Variants in CNTN2 observed in about 807,000 individuals in gnomAD.
CNTN2 encodes the protein contactin 2.
A neutral mutation model predicts 117.5 loss-of-function variants in CNTN2; 53 were observed. That is an observed-to-expected ratio of 0.45 (90% CI 0.36 to 0.57). CNTN2 has a LOEUF of 0.57. Among genes scored for constraint, CNTN2 ranks in the 20% least tolerant of loss-of-function variants. The pLI is 0.00. For missense variants in CNTN2, 1,106 were observed against 1,404.3 expected (o/e 0.79, Z 3.39); for synonymous variants, 530 against 561.7 (o/e 0.94, Z 0.80).
At position 205,059,689 on chromosome 1, in the gene CNTN2, G is replaced by A. The variant is rs939462913; in HGVS notation, c.797+7G>A. 9.9e-6 allele frequency: 16 copies of A among 1,608,306 alleles called. No homozygotes were observed. Among genetic ancestry groups the A allele is most frequent in the Middle Eastern group, 1.7e-4 (1 of 6,058 alleles). On this transcript the variant is annotated splice_region_variant and intron_variant, in intron 7 of 22. Transcript: ENST00000331830. This position sits in a 1 kb window ranked among gnomAD's most constrained non-coding sequence, Gnocchi z 5.6. ...AGTGCTTCGCCTTTGGGAAGTGAGTGTGAAGAGGGAGGGGAAGCAGAGCAC... is the reference window on the plus strand; with the variant it reads ...AGTGCTTCGCCTTTGGGAAGTGAGTATGAAGAGGGAGGGGAAGCAGAGCAC...
At position 205,057,914 on chromosome 1, in the gene CNTN2, C is replaced by A; in HGVS notation, c.71-7C>A. ...TCTGAGGCATCTGGTGGTGTCATCA[C>A]CTGCAGCTTGGAGTTCAGCCCTGGG... On this transcript the variant is annotated splice_region_variant and splice_polypyrimidine_tract_variant and intron_variant, in intron 2 of 22. Transcript: ENST00000331830. 3 of 1,612,954 alleles carry A rather than the reference C, an allele frequency of 1.9e-6. No homozygotes were observed. The highest frequency in any genetic ancestry group is 2.5e-6 in the Non-Finnish European group (3 of 1,179,230).
chr1:205,049,446 A>AACAG (rs35013612), intron 1 of CNTN2, among the ~76,000 whole-genome samples: 33,195 of 151,768 alleles, frequency 0.22, 4,506 homozygotes, highest in East Asian at 0.64. Flanking sequence ...ATATAGACAC[A>AACAG]ACAGATACCC....
chr1:205,070,753 T>C, intron 19 of CNTN2: 1 of 381,394 alleles, frequency 2.6e-6, no homozygotes, highest in East Asian at 5.4e-5. Flanking sequence ...TCCCATCACT[T>C]TGGGAGGCTG....
At position 205,069,791 on chromosome 1, in the gene CNTN2, G is replaced by A. The variant is rs756914914; in HGVS notation, c.2197-36G>A. ...CAGGGAACGGGCAGGGACACATGCC[G>A]CGGACCCTCGCCCATGCCATGCTCT... On this transcript the variant is annotated intron_variant, in intron 17 of 22. Coordinates refer to ENST00000331830, the MANE Select transcript of CNTN2 (RefSeq NM_005076.5). The A allele has an allele frequency of 2.4e-5, 38 of 1,593,614 alleles. No individual in the cohort carries two copies. In the South Asian group the frequency reaches 3.9e-4, roughly 16 times the overall value.
At chr1:205,044,635 C>T (rs1186775977) in intron 1 of CNTN2, among the ~76,000 whole-genome samples, 3 of 152,164 alleles carry the variant, frequency 2.0e-5, no homozygotes, top group African/African-American at 4.8e-5. Context: ...GCAACAGTTT[C>T]GGCCTCCTCT....
chr1:205,069,958 G>C lies in CNTN2; in HGVS notation c.2328G>C (p.Glu776Asp), dbSNP rs746073774. The C allele has an allele frequency of 1.2e-6, 2 of 1,613,768 alleles. No homozygotes were observed. Among genetic ancestry groups the C allele is most frequent in the Non-Finnish European group, 1.7e-6 (2 of 1,180,028 alleles). Reference protein sequence around the residue: ...ADAQYFVYSNESVRPYTPFEV... With the variant: ...ADAQYFVYSNDSVRPYTPFEV... ...CCCAGTACTTTGTCTACAGCAACGA[G>C]AGCGTCCGGCCCTACACGCCCTTTG... is the stretch of plus-strand genomic sequence containing the variant. The change falls in exon 18 of 23, where the codon GAG (glutamate) becomes GAC (aspartate). Residue 776 changes from glutamate (E) to aspartate (D), a missense_variant. Glu to Asp is a conservative substitution (Grantham distance 45, BLOSUM62 2). Coordinates refer to ENST00000331830, the MANE Select transcript of CNTN2 (RefSeq NM_005076.5).
In CNTN2 at chr1:205,062,541, C is replaced by T; in HGVS notation, c.1212C>T (p.Ile404=). The change falls in exon 10 of 23, where the codon ATC becomes ATT. Residue 404 remains isoleucine (I), a synonymous_variant. Transcript: ENST00000331830. Reference sequence around the variant, plus strand: ...TGGCAGAGAATAAGCACGGTACCATCTACGCCAGCGCCGAGCTAGCCGTGC... The same window carrying T: ...TGGCAGAGAATAAGCACGGTACCATTTACGCCAGCGCCGAGCTAGCCGTGC... ...QCVAENKHGT[I]YASAELAVQA... is the part of the protein sequence containing the mutation. 6.2e-7 allele frequency: 1 copy of T among 1,613,982 alleles called. No homozygotes were observed.
At chr1:205,057,825 A>G in intron 2 of CNTN2, 96 bp from the exon 3 acceptor site, 3 of 1,435,810 alleles carry the variant, frequency 2.1e-6, no homozygotes, top group Middle Eastern at 2.4e-4. Context: ...GGACATTCCC[A>G]TCATCAGAGA....
rs1421872990 is a variant in CNTN2, at chr1:205,059,299, GC to G, written c.697+7del. The G allele has an allele frequency of 6.2e-7, 1 of 1,612,328 alleles. No homozygotes were observed. The highest frequency in any genetic ancestry group is 2.2e-5 in the East Asian group (1 of 44,834). ...GCTCAACCTGGCTGCTGAAGGTCAGGCTTGGCCAGGCGTGGCTGGAGGGAGG... is the reference window on the plus strand; with the variant it reads ...GCTCAACCTGGCTGCTGAAGGTCAGGTTGGCCAGGCGTGGCTGGAGGGAGG... On this transcript the variant is annotated splice_region_variant and intron_variant, in intron 6 of 22. Coordinates refer to ENST00000331830, the MANE Select transcript of CNTN2 (RefSeq NM_005076.5). This position sits in a 1 kb window ranked among gnomAD's most constrained non-coding sequence, Gnocchi z 5.6.
rs144293383 is a variant in CNTN2 at position 205,070,508 on chromosome 1, G to A, written c.2514G>A (p.Gln838=). The A allele has an allele frequency of 3.0e-5, 48 of 1,613,802 alleles. No individual in the cohort carries two copies. In the African/African-American group the frequency reaches 5.1e-4, roughly 17 times the overall value. ...EMNVTWEPVQ[Q]DMNGILLGYE... ...ACGTGACCTGGGAACCCGTGCAGCA[G>A]GACATGAATGGTATCCTCCTGGGGT... The change falls in exon 19 of 23, where the codon CAG becomes CAA. Residue 838 remains glutamine (Q), a synonymous_variant. Coordinates refer to ENST00000331830, the MANE Select transcript of CNTN2 (RefSeq NM_005076.5).
At chr1:205,066,319 T>G in intron 14 of CNTN2, 122 bp from the exon 15 acceptor site, 1 of 1,206,192 alleles carries the variant, frequency 8.3e-7, no homozygotes, top group African/African-American at 1.5e-5. Flanking sequence ...TGGGTGTGTG[T>G]TCACTGCATC....
In CNTN2 at chr1:205,061,457, C is replaced by T; in HGVS notation, c.973+37C>T. 3 of 1,527,802 alleles carry T rather than the reference C, an allele frequency of 2.0e-6. No individual in the cohort carries two copies. Among genetic ancestry groups the T allele is most frequent in the South Asian group, 1.2e-5 (1 of 81,524 alleles). The allele number at this position is 1,527,802 out of a possible 1,614,324, so 94.6% of individuals were successfully genotyped here. The stretch of plus-strand genomic sequence containing the variant: ...GGGACACCTTCTCCGCCCCTCCCGA[C>T]CCCCCTTCCCGCCTTCACCCTTGTC... On this transcript the variant is annotated intron_variant, in intron 8 of 22. Coordinates refer to ENST00000331830, the MANE Select transcript of CNTN2 (RefSeq NM_005076.5). The surrounding 1 kb of genome is among the most constrained non-coding windows in gnomAD (Gnocchi z 4.8).
chr1:205,067,329 C>A (rs765184372), intron 16 of CNTN2, 79 bp downstream of exon 16: 66 of 1,512,798 alleles, frequency 4.4e-5, no homozygotes, highest in Non-Finnish European at 5.7e-5. Flanking sequence ...CCAAGCCAGC[C>A]GCAATTATGC....
chr1:205,064,517 T>C, intron 11 of CNTN2, 45 bp downstream of exon 11: 1 of 1,593,032 alleles, frequency 6.3e-7, no homozygotes, highest in Non-Finnish European at 8.6e-7. Flanking sequence ...TCCTCCTCAT[T>C]CTCCATGGAG....
chr1:205,043,654 C>T (rs900338509), intron 1 of CNTN2, among the ~76,000 whole-genome samples: 2 of 152,194 alleles, frequency 1.3e-5, no homozygotes, highest in African/African-American at 4.8e-5. Flanking sequence ...AAGCTGGACC[C>T]CAGGAGTGTG....
intron 19 of CNTN2, 108 bp downstream of exon 19, chr1:205,070,646 T>C: frequency 1.3e-6 from 1 of 763,176 alleles, no homozygotes; most frequent in Non-Finnish European, 2.2e-6. Context: ...CCTGGTTCGC[T>C]GACATGGCAA....
Position 205,053,106 on chromosome 1 carries a change from T to A in CNTN2, c.-80T>A. The A allele has an allele frequency of 8.8e-7, 1 of 1,137,474 alleles. No homozygotes were observed. Among genetic ancestry groups the A allele is most frequent in the Non-Finnish European group, 1.2e-6 (1 of 805,754 alleles). The allele number at this position is 1,137,474 out of a possible 1,614,324, so 70.5% of individuals were successfully genotyped here. ...TTTCTGTCTGCCTCCCCAGGTCCTTTCTCAGCCTCCAGCTGGGCTGTCCCC... is the reference window on the plus strand; with the variant it reads ...TTTCTGTCTGCCTCCCCAGGTCCTTACTCAGCCTCCAGCTGGGCTGTCCCC... On this transcript the variant is annotated 5_prime_UTR_variant, in exon 2 of 23. Coordinates refer to ENST00000331830, the MANE Select transcript of CNTN2 (RefSeq NM_005076.5).
At chr1:205,056,324 C>T (rs375691376) in intron 2 of CNTN2, among the ~76,000 whole-genome samples, 37 of 152,300 alleles carry the variant, frequency 2.4e-4, no homozygotes, top group African/African-American at 7.9e-4. Context: ...GGATTCCTAC[C>T]GTACACCACC....
In CNTN2 at chr1:205,061,934, G is replaced by A. The variant is rs1161737851; in HGVS notation, c.1043G>A (p.Cys348Tyr). ...ADIGSNLRWG[C>Y]AAAGKPRPTV... Reference sequence around the variant, plus strand: ...ATTGGCTCCAACCTGCGTTGGGGCTGTGCAGCCGCCGGCAAGCCCCGGCCT... The same window carrying A: ...ATTGGCTCCAACCTGCGTTGGGGCTATGCAGCCGCCGGCAAGCCCCGGCCT... Residue 348 changes from cysteine (C) to tyrosine (Y), a missense_variant, in exon 9 of 23, where the codon TGT becomes TAT. Transcript: ENST00000331830. The surrounding 1 kb of genome is among the most constrained non-coding windows in gnomAD (Gnocchi z 4.8). 1 of 1,608,582 alleles carries A rather than the reference G, an allele frequency of 6.2e-7. No homozygotes were observed.
Sources: gnomAD v4.1 joint callset for allele counts (sites outside exome capture counted in the v4.1 genomes callset) on GRCh38, gnomAD v4.1.1 for gene constraint, Gnocchi (gnomAD v3.1) non-coding constraint, MANE v1.5 for transcripts, NCBI Gene and HGNC (gene_info 2026-07-23, HGNC 2026-07-21) for gene names.